The following EPG5 variants were observed in gnomAD, a reference collection of about 807,000 sequenced individuals.
EPG5 encodes ectopic P-granules 5 autophagy tethering factor, also known as ectopic P granules protein 5 homolog.
In EPG5, 159 loss-of-function variants were observed where a neutral mutation model predicts 302.7. The observed-to-expected ratio is 0.53, with a 90% CI of 0.46 to 0.60. EPG5 has a LOEUF of 0.60. EPG5 is among the 20% of genes least tolerant of loss of function. EPG5 has a pLI of 0.00. For missense variants in EPG5, 2,896 were observed against 3,092.4 expected (o/e 0.94, Z 1.51); for synonymous variants, 1,158 against 1,136.8 (o/e 1.02, Z -0.37).
intron 27 of EPG5, among the ~76,000 whole-genome samples, chr18:45,898,054 T>C (rs1237343383): frequency 6.6e-6 from 1 of 152,172 alleles, no homozygotes; most frequent in Non-Finnish European, 1.5e-5. Context: ...AGGAATACAG[T>C]GCGGTGATTA....
chr18:45,867,082 T>C (rs2048763103), intron 37 of EPG5, 75 bp from the exon 38 acceptor site: 1 of 1,005,154 alleles, frequency 9.9e-7, no homozygotes. Flanking sequence ...AACTAGTCTG[T>C]GGAATAACTA....
chr18:45,949,253 C>A (rs532263934), intron 5 of EPG5, among the ~76,000 whole-genome samples: 1 of 152,232 alleles, frequency 6.6e-6, no homozygotes, highest in South Asian at 2.1e-4. Context: ...ACTGAAACTA[C>A]CCAGCCAGAC....
chr18:45,916,069 T>G lies in EPG5; in HGVS notation c.3522A>C (p.Lys1174Asn), dbSNP rs749810129. Residue 1174 changes from lysine (K) to asparagine (N), a missense_variant, in exon 19 of 44, where the codon AAA (lysine) becomes AAC (asparagine). Around this residue, in one of 5 missense-constraint regions of EPG5, gnomAD observed 1,390 missense variants for 1,430.0 expected, o/e 0.97. Transcript: ENST00000282041. ...CTTCCTGCATCAGCTGAAAAGCTGC[T>G]TTACACAAGTGGTCCATGAGGAAGA... ...PILFLMDHLC[K>N]AAFQLMQEDC... 1.2e-6 allele frequency: 2 copies of G among 1,614,050 alleles called. No homozygotes were observed. The highest frequency in any genetic ancestry group is 2.2e-5 in the South Asian group (2 of 91,066).
Position 45,858,080 on chromosome 18 carries a change from A to C in EPG5, c.7227-12T>G, listed in dbSNP as rs1301241511. The C allele has an allele frequency of 1.3e-6, 2 of 1,599,686 alleles. No homozygotes were observed. Among genetic ancestry groups the C allele is most frequent in the African/African-American group, 2.7e-5 (2 of 74,490 alleles). On this transcript the variant is annotated splice_polypyrimidine_tract_variant and intron_variant, in intron 41 of 43. Coordinates refer to ENST00000282041, the MANE Select transcript of EPG5 (RefSeq NM_020964.3). ...CTTCCTCCACGGAGCTAGGGGAGGC[A>C]CCGGAGGAAAATAAAATTAGAAGTA...
intron 1 of EPG5, among the ~76,000 whole-genome samples, chr18:45,963,653 A>G (rs2051193616): frequency 6.6e-6 from 1 of 152,110 alleles, no homozygotes; most frequent in Admixed American, 6.5e-5. Flanking sequence ...AAAGAAAAGA[A>G]AAGAGAGAAA....
chr18:45,954,049 T>A, intron 2 of EPG5: 4 of 358,946 alleles, frequency 1.1e-5, no homozygotes, highest in Non-Finnish European at 1.6e-5. Flanking sequence ...CAAATTAGGA[T>A]TCCTCACACT....
intron 6 of EPG5, among the ~76,000 whole-genome samples, chr18:45,947,928 C>A (rs569603602): frequency 6.6e-6 from 1 of 152,156 alleles, no homozygotes; most frequent in Non-Finnish European, 1.5e-5. Flanking sequence ...GATTACACCA[C>A]CATGCCCGGC....
the EPG5 span, among the ~76,000 whole-genome samples, chr18:45,807,388 C>G: frequency 6.6e-6 from 1 of 152,204 alleles, no homozygotes; most frequent in Non-Finnish European, 1.5e-5. Flanking sequence ...CTGATGCTCT[C>G]TGGAAAGCGC....
chr18:45,891,770 T>A (rs2049357593), intron 27 of EPG5, among the ~76,000 whole-genome samples: 1 of 152,208 alleles, frequency 6.6e-6, no homozygotes, highest in Non-Finnish European at 1.5e-5. Flanking sequence ...ACTTTTACTA[T>A]TGGAGAAATG....
intron 7 of EPG5, among the ~76,000 whole-genome samples, chr18:45,945,486 T>C (rs2050767487): frequency 6.6e-6 from 1 of 152,180 alleles, no homozygotes; most frequent in South Asian, 2.1e-4. Context: ...ACTGAATATT[T>C]AGGGAGTGCT....
the EPG5 span, among the ~76,000 whole-genome samples, chr18:45,830,221 A>AGGTTTC: frequency 6.6e-6 from 1 of 152,196 alleles, no homozygotes; most frequent in Admixed American, 6.5e-5. Flanking sequence ...GGCAAAACCA[A>AGGTTTC]GGTTTCTGTT....
rs1394538796 is a variant in EPG5 at position 45,956,675 on chromosome 18, C to T, written c.64-1337G>A. On this transcript the variant is annotated intron_variant, in intron 1 of 43. Transcript: ENST00000282041. ...TAGCCAAACTCCTGACCTCGTGATC[C>T]GTCCGCCTCAGCCTCCCAAAGTGCT... is the stretch of plus-strand genomic sequence containing the variant. 8.5e-5 allele frequency among the ~76,000 whole-genome samples: 13 copies of T among 152,074 alleles called. No homozygotes were observed. The South Asian group carries it at 2.3e-3, about 27-fold the overall frequency.
chr18:45,858,831 C>T (rs772414850), intron 40 of EPG5, 49 bp from the exon 41 acceptor site: 41 of 1,349,382 alleles, frequency 3.0e-5, no homozygotes, highest in Non-Finnish European at 4.2e-5. Flanking sequence ...AATCCAATTA[C>T]TTGACAACTC....
intron 12 of EPG5, among the ~76,000 whole-genome samples, chr18:45,929,853 T>C (rs189995735): frequency 7.9e-4 from 120 of 152,360 alleles, no homozygotes; most frequent in Middle Eastern, 3.4e-3. Flanking sequence ...TATTTGATCC[T>C]GGAAAGAACA....
In EPG5 at chr18:45,852,179, C is replaced by G. The variant is rs1040581165; in HGVS notation, c.*288G>C. 6.4e-5 allele frequency: 16 copies of G among 249,812 alleles called. No homozygotes were observed. Among genetic ancestry groups the G allele is most frequent in the Non-Finnish European group, 2.3e-5 (3 of 131,940 alleles). The allele number at this position is 249,812 out of a possible 1,614,324, so 15.5% of individuals were successfully genotyped here. A position where few individuals can be genotyped will look rare whatever the true frequency, so the allele number is the denominator to read the frequency against. ...CTTGTGAGATGACTGGGACATTCGG[C>G]AACTGTGAGTGGCTCTGCACCCAAG... is the stretch of plus-strand genomic sequence containing the variant. On this transcript the variant is annotated 3_prime_UTR_variant, in exon 44 of 44. Coordinates refer to ENST00000282041, the MANE Select transcript of EPG5 (RefSeq NM_020964.3).
intron 36 of EPG5, chr18:45,868,003 A>C (rs1234193510): frequency 7.4e-6 from 4 of 540,196 alleles, no homozygotes; most frequent in Non-Finnish European, 1.4e-5. Flanking sequence ...GCGAGGAATG[A>C]CCTTCCCTAA....
chr18:45,833,634 T>G, the EPG5 span, among the ~76,000 whole-genome samples: 1 of 152,196 alleles, frequency 6.6e-6, no homozygotes. Context: ...TTAAATGAGA[T>G]GAGGATATCA....
In EPG5 at chr18:45,951,206, G is replaced by C. The variant is rs2050900301; in HGVS notation, c.1285C>G (p.Leu429Val). Residue 429 changes from leucine (L) to valine (V), a missense_variant, in exon 4 of 44, where the codon CTG becomes GTG. Transcript: ENST00000282041. ...CTAATGCATTCCTTTAGTTGACACA[G>C]ATCAGAGGGAATGCTTTCTGTCTGC... ...SKQTESIPSD[L>V]CQLKECISVL... is the part of the protein sequence containing the mutation. 4.4e-6 allele frequency: 7 copies of C among 1,579,066 alleles called. No individual in the cohort carries two copies. The highest frequency in any genetic ancestry group is 1.4e-5 in the African/African-American group (1 of 73,816).
the EPG5 span, among the ~76,000 whole-genome samples, chr18:45,832,674 A>G: frequency 6.6e-6 from 1 of 152,206 alleles, no homozygotes; most frequent in African/African-American, 2.4e-5. Context: ...TGACAGAGAT[A>G]AAGCAGAGAG....
Sources: gnomAD v4.1 joint callset for allele counts (sites outside exome capture counted in the v4.1 genomes callset) on GRCh38, gnomAD v4.1.1 for gene constraint, gnomAD v4.1.1 regional missense constraint, MANE v1.5 for transcripts, NCBI Gene and HGNC (gene_info 2026-07-23, HGNC 2026-07-21) for gene names.